GABRA3: variants seen among roughly 807,000 people sequenced by gnomAD.
The protein encoded by GABRA3 is gamma-aminobutyric acid receptor subunit alpha-3.
A neutral mutation model predicts 30.1 loss-of-function variants in GABRA3; 10 were observed. The ratio of observed to expected loss-of-function variants is 0.33; its 90% confidence interval spans 0.20 to 0.56. The LOEUF (loss-of-function observed/expected upper bound fraction) is 0.56, where lower values mean the gene tolerates loss of function less well. Ranked by LOEUF, GABRA3 falls within the 20% of genes least tolerant of loss-of-function variation. The pLI, the probability that GABRA3 is intolerant of heterozygous loss-of-function variation, is 0.89. For synonymous variants in GABRA3, 151 were observed against 146.8 expected (o/e 1.03, Z -0.21); for missense variants, 233 against 392.0 (o/e 0.59, Z 3.42).
At chrX:152,194,999 G>A (rs1230697485) in intron 8 of GABRA3, among the ~76,000 whole-genome samples, 1 of 111,611 alleles carries the variant, frequency 9.0e-6, no homozygotes, top group Non-Finnish European at 1.9e-5. Flanking sequence ...GGCTCAAGCA[G>A]TACTCCCATT....
chrX:152,206,026 C>T (rs780246262), intron 7 of GABRA3, among the ~76,000 whole-genome samples: 22 of 112,864 alleles, frequency 1.9e-4, no homozygotes, highest in African/African-American at 6.4e-4. Context: ...ACACCAACCG[C>T]GGTTTACCAA....
intron 2 of GABRA3, among the ~76,000 whole-genome samples, chrX:152,360,496 A>G (rs1412151366): frequency 2.2e-5 from 2 of 88,890 alleles, no homozygotes; most frequent in Admixed American, 2.6e-4. Context: ...GAATTGAACA[A>G]TGAGATCACA....
chrX:152,261,708 C>T (rs1037652053), intron 4 of GABRA3, among the ~76,000 whole-genome samples: 79 of 112,189 alleles, frequency 7.0e-4, no homozygotes, highest in African/African-American at 2.3e-3. Flanking sequence ...CAGTTGTTTT[C>T]ATGGGCTGGA....
intron 5 of GABRA3, among the ~76,000 whole-genome samples, chrX:152,247,402 T>C (rs6627221): frequency 0.27 from 30,181 of 110,134 alleles, 3,562 homozygotes; most frequent in East Asian, 0.46. Context: ...ACTTCAGATT[T>C]GTTATTTAAA....
At chrX:152,422,527 A>G (rs1388393699) in intron 1 of GABRA3, among the ~76,000 whole-genome samples, 1 of 110,536 alleles carries the variant, frequency 9.0e-6, no homozygotes, top group Non-Finnish European at 1.9e-5. Context: ...AGGATTTTGC[A>G]TTTTTTCCAT....
At chrX:152,320,577 G>A (rs1037407668) in intron 3 of GABRA3, among the ~76,000 whole-genome samples, 1 of 110,997 alleles carries the variant, frequency 9.0e-6, no homozygotes, top group Non-Finnish European at 1.9e-5. Flanking sequence ...CAGGGGAAAG[G>A]GTGGAAGGGA....
intron 1 of GABRA3, among the ~76,000 whole-genome samples, chrX:152,379,017 T>G (rs1929071799): frequency 9.0e-6 from 1 of 111,654 alleles, no homozygotes; most frequent in Non-Finnish European, 1.9e-5. Context: ...TAGATGTCTC[T>G]CATCATAACA....
chrX:152,264,852 A>G (rs1938795063), intron 4 of GABRA3, among the ~76,000 whole-genome samples: 1 of 111,412 alleles, frequency 9.0e-6, no homozygotes. Context: ...AGCTACACTT[A>G]TATCAGACAA....
chrX:152,209,359 C>A (rs1937609709), intron 6 of GABRA3, among the ~76,000 whole-genome samples: 1 of 111,161 alleles, frequency 9.0e-6, no homozygotes, highest in African/African-American at 3.3e-5. Context: ...ACTCTTTCCA[C>A]CGTGGATTTT....
chrX:152,214,267 G>A (rs1460401561), intron 6 of GABRA3, among the ~76,000 whole-genome samples: 2 of 111,460 alleles, frequency 1.8e-5, no homozygotes, highest in Non-Finnish European at 3.8e-5. Flanking sequence ...TTATGGCTGA[G>A]TAGTATTCCA....
chrX:152,284,800 C>A, intron 3 of GABRA3, 65 bp from the exon 4 acceptor site: 1 of 785,484 alleles, frequency 1.3e-6, no homozygotes. Flanking sequence ...CAGAGAGAGT[C>A]CAGTGCAGTA....
At chrX:152,187,980 A>G (rs1937277653) in intron 9 of GABRA3, among the ~76,000 whole-genome samples, 1 of 112,087 alleles carries the variant, frequency 8.9e-6, no homozygotes, top group South Asian at 3.7e-4. Context: ...TATAAACACA[A>G]TAGACAATGA....
chrX:152,286,136 TAA>T (rs1470128951), intron 3 of GABRA3, among the ~76,000 whole-genome samples: 2 of 102,418 alleles, frequency 2.0e-5, no homozygotes, highest in African/African-American at 3.5e-5. Flanking sequence ...GTATAGTATA[TAA>T]GTTATATACT....
chrX:152,172,570 A>C (rs141639963), intron 9 of GABRA3, among the ~76,000 whole-genome samples: 1 of 111,702 alleles, frequency 9.0e-6, no homozygotes, highest in Non-Finnish European at 1.9e-5. Context: ...AACAATAAAC[A>C]AAATGTGGTA....
intron 5 of GABRA3, among the ~76,000 whole-genome samples, chrX:152,241,469 C>T (rs1938368580): frequency 9.4e-6 from 1 of 106,828 alleles, no homozygotes; most frequent in South Asian, 4.1e-4. Flanking sequence ...TTTCTCTGTG[C>T]CCTGCCCCCA....
At chrX:152,368,145 C>T (rs1425990311) in intron 1 of GABRA3, among the ~76,000 whole-genome samples, 1 of 111,719 alleles carries the variant, frequency 9.0e-6, no homozygotes, top group African/African-American at 3.3e-5. Context: ...CATTTCTTCC[C>T]ATTTCAAAAG....
chrX:152,281,503 C>T (rs1338345074), intron 4 of GABRA3, among the ~76,000 whole-genome samples: 1 of 111,853 alleles, frequency 8.9e-6, no homozygotes, highest in Non-Finnish European at 1.9e-5. Context: ...CCAGGGCAAC[C>T]ATTTTCCAAC....
At chrX:152,176,184 C>A (rs1197700493) in intron 9 of GABRA3, among the ~76,000 whole-genome samples, 1 of 110,743 alleles carries the variant, frequency 9.0e-6, no homozygotes, top group African/African-American at 3.3e-5. Context: ...TAAGAGGTAC[C>A]ATCACAGATC....
At chrX:152,368,280 C>A (rs1376004668) in intron 1 of GABRA3, among the ~76,000 whole-genome samples, 1 of 111,706 alleles carries the variant, frequency 9.0e-6, no homozygotes, top group East Asian at 2.8e-4. Context: ...GGGCCAACAT[C>A]TACCCACCCC....
Sources: allele counts gnomAD v4.1 joint callset (sites outside exome capture counted in the v4.1 genomes callset), GRCh38; gene constraint gnomAD v4.1.1; transcripts MANE v1.5; gene names NCBI Gene and HGNC (gene_info 2026-07-23, HGNC 2026-07-21).